The following GMPS variants were observed in gnomAD, a reference collection of about 807,000 sequenced individuals.
The protein encoded by GMPS is GMP synthase [glutamine-hydrolyzing].
A neutral mutation model predicts 77.9 loss-of-function variants in GMPS; 15 were observed. The observed-to-expected ratio is 0.19, with a 90% CI of 0.13 to 0.30. The LOEUF (loss-of-function observed/expected upper bound fraction) is 0.30, where lower values mean the gene tolerates loss of function less well. Among genes scored for constraint, GMPS ranks in the 10% least tolerant of loss-of-function variants. The pLI is 1.00. For missense variants in GMPS, 590 were observed against 838.8 expected, an observed-to-expected ratio of 0.70 and a Z score of 3.66; for synonymous variants, 224 against 275.9, an observed-to-expected ratio of 0.81 and a Z score of 1.86.
At chr3:155,923,830 G>A (rs1755384378) in intron 11 of GMPS, among the ~76,000 whole-genome samples, 1 of 152,040 alleles carries the variant, frequency 6.6e-6, no homozygotes, top group Admixed American at 6.6e-5. Context: ...ATGGGACCTG[G>A]GCATTCCAAG....
chr3:155,881,476 A>G (rs1754206036), intron 1 of GMPS, among the ~76,000 whole-genome samples: 1 of 152,062 alleles, frequency 6.6e-6, no homozygotes. Context: ...CTGGCTTGAT[A>G]TTAGTTTTTT....
At chr3:155,904,739 C>A (rs1372779814) in intron 4 of GMPS, among the ~76,000 whole-genome samples, 1 of 152,116 alleles carries the variant, frequency 6.6e-6, no homozygotes, top group Non-Finnish European at 1.5e-5. Flanking sequence ...TTACATTCAT[C>A]CTTATTTCAT....
intron 8 of GMPS, 67 bp downstream of exon 8, chr3:155,914,637 T>G: frequency 9.6e-7 from 1 of 1,043,792 alleles, no homozygotes; most frequent in Non-Finnish European, 1.3e-6. Flanking sequence ...TTGTTTTTCC[T>G]TGTCACTATA....
At chr3:155,903,396 C>CTG (rs1754780081) in intron 3 of GMPS, among the ~76,000 whole-genome samples, 1 of 152,206 alleles carries the variant, frequency 6.6e-6, no homozygotes, top group Admixed American at 6.5e-5. Flanking sequence ...CTTCGGCAGG[C>CTG]TTTCAGACTG....
At chr3:155,890,727 T>A (rs1186012987) in intron 1 of GMPS, among the ~76,000 whole-genome samples, 1 of 152,220 alleles carries the variant, frequency 6.6e-6, no homozygotes, top group African/African-American at 2.4e-5. Flanking sequence ...TGCCATTCTT[T>A]CCATCACAAC....
At chr3:155,876,486 G>A (rs1038431545) in intron 1 of GMPS, among the ~76,000 whole-genome samples, 23 of 152,354 alleles carry the variant, frequency 1.5e-4, no homozygotes, top group African/African-American at 5.5e-4. Context: ...AGCCATAGCC[G>A]AAGGTGGTAT....
rs1269035658 is a variant in GMPS at position 155,943,940 on chromosome 3, A to G, written c.*6248A>G. 1.3e-5 allele frequency: 2 copies of G among 152,296 alleles called. No individual in the cohort carries two copies. The highest frequency in any genetic ancestry group is 1.9e-4 in the East Asian group (1 of 5,212). 9.4% of individuals were successfully genotyped at this position (152,296 alleles called of 1,614,324 possible). Reference sequence around the variant, plus strand: ...ACGGGGGACATAATGGACATAAAACATTGGATAGCTTTTTATTTAAATGAG... The same window carrying G: ...ACGGGGGACATAATGGACATAAAACGTTGGATAGCTTTTTATTTAAATGAG... On this transcript the variant is annotated 3_prime_UTR_variant, in exon 16 of 16. Coordinates refer to ENST00000496455, the MANE Select transcript of GMPS (RefSeq NM_003875.3).
rs542811800 is a variant in GMPS, at chr3:155,887,276, AT to A, written c.28-6232del. Reference sequence around the variant, plus strand: ...TTGAGCAAAGGAAGATTTGAATCTGATTTTTTTTTTCTTTCTTTTAAGCACA... The same window carrying A: ...TTGAGCAAAGGAAGATTTGAATCTGATTTTTTTTTCTTTCTTTTAAGCACA... On this transcript the variant is annotated intron_variant, in intron 1 of 15. Transcript: ENST00000496455. Among the ~76,000 whole-genome samples, 1,008 of 150,392 alleles carry A rather than the reference AT, an allele frequency of 6.7e-3. 12 individuals carry two copies. The highest frequency in any genetic ancestry group is 0.023 in the African/African-American group (951 of 41,070).
chr3:155,934,961 T>A lies in GMPS; in HGVS notation c.1722T>A (p.Asp574Glu). Residue 574 changes from aspartate to glutamate, a missense_variant, in exon 14 of 16, where the codon GAT becomes GAA. Physicochemically the swap from Asp to Glu is conservative, Grantham distance 45 (BLOSUM62 2). Around this residue, in one of 6 missense-constraint regions of GMPS, gnomAD observed 73 missense variants for 170.5 expected, o/e 0.43. Coordinates refer to ENST00000496455, the MANE Select transcript of GMPS (RefSeq NM_003875.3). The stretch of plus-strand genomic sequence containing the variant: ...CACCAGTTAAAGAACCTCCTACAGA[T>A]GTTACTCCCACTTTCTTGACAACAG... ...FGPPVKEPPT[D>E]VTPTFLTTGV... 1 of 1,587,884 alleles carries A rather than the reference T, an allele frequency of 6.3e-7. No individual in the cohort carries two copies. The highest frequency in any genetic ancestry group is 8.6e-7 in the Non-Finnish European group (1 of 1,156,128).
chr3:155,922,669 G>C (rs1755346653), intron 11 of GMPS, among the ~76,000 whole-genome samples: 1 of 152,156 alleles, frequency 6.6e-6, no homozygotes, highest in Non-Finnish European at 1.5e-5. Context: ...TCTAGGATTT[G>C]GGTTTTTACA....
chr3:155,890,205 C>T (rs1279800344), intron 1 of GMPS, among the ~76,000 whole-genome samples: 3 of 152,204 alleles, frequency 2.0e-5, no homozygotes, highest in Non-Finnish European at 4.4e-5. Context: ...CTTCAGTAAT[C>T]TCTTGTGTCA....
intron 7 of GMPS, among the ~76,000 whole-genome samples, chr3:155,912,869 T>C (rs1189204876): frequency 6.6e-6 from 1 of 152,138 alleles, no homozygotes; most frequent in Non-Finnish European, 1.5e-5. Flanking sequence ...TTTTGGGACA[T>C]TGGTCTCTGG....
chr3:155,888,631 G>C (rs1232743707), intron 1 of GMPS, among the ~76,000 whole-genome samples: 2 of 150,812 alleles, frequency 1.3e-5, no homozygotes, highest in East Asian at 3.9e-4. Flanking sequence ...TCTTATTCAG[G>C]CTGGGGTGCA....
At chr3:155,920,274 A>G (rs950219282) in intron 10 of GMPS, among the ~76,000 whole-genome samples, 1 of 152,202 alleles carries the variant, frequency 6.6e-6, no homozygotes, top group Admixed American at 6.5e-5. Context: ...AGCTTTACAC[A>G]TGTATAACCT....
chr3:155,930,047 G>A (rs1348093884), intron 12 of GMPS, among the ~76,000 whole-genome samples: 5 of 147,414 alleles, frequency 3.4e-5, no homozygotes, highest in South Asian at 2.3e-4. Context: ...AGCCCGCATC[G>A]CCAAGTCAAT....
chr3:155,914,765 T>G (rs1275520568), intron 8 of GMPS, among the ~76,000 whole-genome samples, 195 bp downstream of exon 8: 5 of 147,554 alleles, frequency 3.4e-5, no homozygotes, highest in African/African-American at 9.9e-5. Context: ...TGTTGTTTGG[T>G]TTTTTTTTTG....
intron 9 of GMPS, among the ~76,000 whole-genome samples, chr3:155,918,914 T>A (rs1221060877): frequency 1.3e-5 from 2 of 152,202 alleles, no homozygotes; most frequent in African/African-American, 4.8e-5. Context: ...AATTATAATT[T>A]TGGAACACTA....
chr3:155,901,208 G>A (rs62286840), intron 3 of GMPS, among the ~76,000 whole-genome samples: 8,293 of 151,696 alleles, frequency 0.055, 318 homozygotes, highest in East Asian at 0.18. Flanking sequence ...TTTTTTTTAT[G>A]GCTTTATGCA....
chr3:155,914,118 T>G (rs1755108826), intron 7 of GMPS, among the ~76,000 whole-genome samples: 1 of 151,924 alleles, frequency 6.6e-6, no homozygotes, highest in Non-Finnish European at 1.5e-5. Flanking sequence ...AGCTAATTTT[T>G]TGTATTTTTA....
Sources: allele counts gnomAD v4.1 joint callset (sites outside exome capture counted in the v4.1 genomes callset), GRCh38; gene constraint gnomAD v4.1.1; regional missense constraint gnomAD v4.1.1; transcripts MANE v1.5; gene names NCBI Gene and HGNC (gene_info 2026-07-23, HGNC 2026-07-21).